Variants in FAT1 observed in about 807,000 individuals in gnomAD.
FAT1 encodes the protein protocadherin Fat 1.
A neutral mutation model predicts 329.8 loss-of-function variants in FAT1; 171 were observed. The observed-to-expected ratio is 0.52, with a 90% CI of 0.46 to 0.59. The LOEUF (loss-of-function observed/expected upper bound fraction) is 0.59. Ranked by LOEUF, FAT1 falls within the 20% of genes least tolerant of loss-of-function variation. FAT1 has a pLI of 0.00. For missense variants in FAT1, 5,672 were observed against 5,774.4 expected (o/e 0.98, Z 0.57); for synonymous variants, 2,233 against 2,228.6 (o/e 1.00, Z -0.06).
At chr4:186,627,361 A>G (rs1442262880) in intron 9 of FAT1, among the ~76,000 whole-genome samples, 1 of 152,214 alleles carries the variant, frequency 6.6e-6, no homozygotes, top group Non-Finnish European at 1.5e-5. Context: ...AACGAGCTTC[A>G]TCAGCCCACA....
At chr4:186,639,613 A>T (rs961881383) in intron 4 of FAT1, 109 bp downstream of exon 4, 1 of 728,404 alleles carries the variant, frequency 1.4e-6, no homozygotes, top group Middle Eastern at 4.0e-4. Flanking sequence ...ATATTAATAC[A>T]ACAAAATATT....
In FAT1 at chr4:186,596,083, G is replaced by C. The variant is rs1420558794; in HGVS notation, c.13001-257C>G. Among the ~76,000 whole-genome samples, 1 of 152,082 alleles carries C rather than the reference G, an allele frequency of 6.6e-6. No homozygotes were observed. The highest frequency in any genetic ancestry group is 1.5e-5 in the Non-Finnish European group (1 of 68,008). On this transcript the variant is annotated intron_variant, in intron 25 of 26. Coordinates refer to ENST00000441802, the MANE Select transcript of FAT1 (RefSeq NM_005245.4). The surrounding 1 kb of genome is among the most constrained non-coding windows in gnomAD (Gnocchi z 4.7). ...ATAAGCATGCCTATGGGTATCATTA[G>C]ACAGTAAAGGCTGCTAAAATTTTGT...
intron 1 of FAT1, among the ~76,000 whole-genome samples, 196 bp downstream of exon 1, chr4:186,723,468 G>A (rs945151339): frequency 2.6e-5 from 4 of 152,184 alleles, no homozygotes; most frequent in African/African-American, 7.2e-5. Flanking sequence ...TCCGCCGCCG[G>A]GACCCCCCTA....
intron 2 of FAT1, among the ~76,000 whole-genome samples, chr4:186,678,886 C>T (rs760053994): frequency 1.3e-5 from 2 of 152,086 alleles, no homozygotes; most frequent in Non-Finnish European, 2.9e-5. Flanking sequence ...TATAAAGACA[C>T]ATGCACATAT....
rs188759859 is a variant in FAT1 at position 186,628,275 on chromosome 4, G to A, written c.4689C>T (p.Thr1563=). The A allele has an allele frequency of 2.3e-4, 365 of 1,613,740 alleles. 1 individual carries two copies. In the Admixed American group the frequency reaches 5.8e-3, roughly 26 times the overall value. Residue 1563 remains threonine, a synonymous_variant, in exon 9 of 27, where the codon ACC becomes ACT. Coordinates refer to ENST00000441802, the MANE Select transcript of FAT1 (RefSeq NM_005245.4). ...AAACCCGCCCTTTGTAGGAGGAAGC[G>A]GTGAACCACGGGGCGTGGTCATTCG... ...SDTNDHAPWF[T]ASSYKGRVYE... is the part of the protein sequence containing the mutation.
At chr4:186,605,799 C>T (rs977744693) in intron 17 of FAT1, among the ~76,000 whole-genome samples, 7 of 151,988 alleles carry the variant, frequency 4.6e-5, no homozygotes, top group Non-Finnish European at 8.8e-5. Context: ...AGAGGAAAAG[C>T]ACCAGTGGCA....
At chr4:186,718,991 G>A (rs1160097151) in intron 1 of FAT1, among the ~76,000 whole-genome samples, 3 of 152,152 alleles carry the variant, frequency 2.0e-5, no homozygotes, top group East Asian at 3.9e-4. Context: ...TCCTTCATTC[G>A]GTCACAGAGT....
intron 10 of FAT1, 142 bp from the exon 11 acceptor site, chr4:186,617,343 T>G (rs2126486113): frequency 1.5e-6 from 1 of 650,088 alleles, no homozygotes; most frequent in East Asian, 3.0e-5. Flanking sequence ...TGGCATATAT[T>G]AGCCTTCCAA....
intron 1 of FAT1, among the ~76,000 whole-genome samples, chr4:186,711,803 T>A (rs13103736): frequency 0.43 from 65,370 of 151,804 alleles, 16,441 homozygotes; most frequent in Non-Finnish European, 0.57. Context: ...GCCTGTAATC[T>A]CAGTTACTCC....
chr4:186,683,174 C>A (rs1420523567), intron 2 of FAT1, among the ~76,000 whole-genome samples: 1 of 152,190 alleles, frequency 6.6e-6, no homozygotes, highest in African/African-American at 2.4e-5. Flanking sequence ...ATTCAGGTGA[C>A]CACTCCATCT....
chr4:186,658,096 T>C (rs1741990687), intron 3 of FAT1, among the ~76,000 whole-genome samples: 1 of 152,194 alleles, frequency 6.6e-6, no homozygotes, highest in Non-Finnish European at 1.5e-5. Flanking sequence ...AAGAAGCACA[T>C]TTACCCTGTA....
rs2126385172 is a variant in FAT1 at position 186,596,460 on chromosome 4, C to T, written c.13000+80G>A. The T allele has an allele frequency of 1.4e-6, 2 of 1,463,612 alleles. No individual in the cohort carries two copies. Among genetic ancestry groups the T allele is most frequent in the Non-Finnish European group, 1.9e-6 (2 of 1,079,154 alleles). The allele number at this position is 1,463,612 out of a possible 1,614,324, so 90.7% of individuals were successfully genotyped here. A position where few individuals can be genotyped will look rare whatever the true frequency, so the allele number is the denominator to read the frequency against. ...ATACTTGTCTCTAATGAAGAGTACACACATTTTGACTGGACAGAATTTGTA... is the reference window on the plus strand; with the variant it reads ...ATACTTGTCTCTAATGAAGAGTACATACATTTTGACTGGACAGAATTTGTA... On this transcript the variant is annotated intron_variant, in intron 25 of 26. Coordinates refer to ENST00000441802, the MANE Select transcript of FAT1 (RefSeq NM_005245.4). This position sits in a 1 kb window ranked among gnomAD's most constrained non-coding sequence, Gnocchi z 4.7.
intron 21 of FAT1, 147 bp from the exon 22 acceptor site, chr4:186,600,507 C>T (rs1738761070): frequency 1.5e-6 from 1 of 650,972 alleles, no homozygotes; most frequent in African/African-American, 1.8e-5. Flanking sequence ...ATTCATTTGT[C>T]CACTGTATAA....
At chr4:186,593,496 C>T (rs139010915) in intron 26 of FAT1, among the ~76,000 whole-genome samples, 12 of 152,254 alleles carry the variant, frequency 7.9e-5, no homozygotes, top group African/African-American at 2.6e-4. Context: ...ACTTTGTTGA[C>T]GCGGTTCAGA....
chr4:186,639,832 C>G (rs765387569), intron 3 of FAT1, 49 bp from the exon 4 acceptor site: 2 of 1,422,180 alleles, frequency 1.4e-6, no homozygotes, highest in African/African-American at 2.8e-5. Flanking sequence ...AGGTCAATTA[C>G]AAAATACTGC....
rs367861077 is a variant in FAT1 at position 186,603,702 on chromosome 4, C to T, written c.10824G>A (p.Gly3608=). ...TTACGCTGACATTGAGAAGGTATTG[C>T]CCTATGTCTAGCTTTTTGTGTGCTA... ...KLIAHKKLDI[G]QYLLNVSVTD... The change falls in exon 19 of 27, where the codon GGG becomes GGA. Residue 3608 remains glycine, a synonymous_variant. Transcript: ENST00000441802. The T allele has an allele frequency of 2.7e-5, 44 of 1,613,950 alleles. No homozygotes were observed. In the African/African-American group the frequency reaches 5.9e-4, roughly 22 times the overall value.
intron 1 of FAT1, among the ~76,000 whole-genome samples, chr4:186,711,535 A>T (rs577756366): frequency 6.6e-6 from 1 of 152,330 alleles, no homozygotes; most frequent in Non-Finnish European, 1.5e-5. Flanking sequence ...ACAGGTATGG[A>T]GGACCTTATC....
Position 186,617,825 on chromosome 4 carries a change from C to T in FAT1, c.8761G>A (p.Glu2921Lys), listed in dbSNP as rs749788146. 4.5e-5 allele frequency: 73 copies of T among 1,613,882 alleles called. No homozygotes were observed. The highest frequency in any genetic ancestry group is 4.2e-4 in the East Asian group (19 of 44,896). Residue 2921 changes from glutamate (E) to lysine (K), a missense_variant, in exon 10 of 27, where the codon GAG becomes AAG. Glu to Lys is a moderately conservative substitution (Grantham distance 56). Around this residue, in one of 2 missense-constraint regions of FAT1, gnomAD observed 3,966 missense variants for 3,915.2 expected, o/e 1.01. Coordinates refer to ENST00000441802, the MANE Select transcript of FAT1 (RefSeq NM_005245.4). Reference sequence around the variant, plus strand: ...TCACTCACAGTCCCTTTATAGATCTCGGCCGTGAATCGTGGTGGACTATCG... The same window carrying T: ...TCACTCACAGTCCCTTTATAGATCTTGGCCGTGAATCGTGGTGGACTATCG... ...VNDSPPRFTA[E>K]IYKGTVSEDD... is the part of the protein sequence containing the mutation.
At chr4:186,663,071 C>G (rs941324631) in intron 3 of FAT1, among the ~76,000 whole-genome samples, 15 of 152,172 alleles carry the variant, frequency 9.9e-5, no homozygotes, top group Admixed American at 9.8e-4. Flanking sequence ...CTCCTGACCT[C>G]GTGATCTGCC....
Sources: allele counts gnomAD v4.1 joint callset (sites outside exome capture counted in the v4.1 genomes callset), GRCh38; gene constraint gnomAD v4.1.1; regional missense constraint gnomAD v4.1.1; non-coding constraint Gnocchi (gnomAD v3.1); transcripts MANE v1.5; gene names NCBI Gene and HGNC (gene_info 2026-07-23, HGNC 2026-07-21).